Variants in HTT observed in about 807,000 individuals in gnomAD.
The protein encoded by HTT is huntingtin, also known as huntington disease protein.
In HTT, 104 loss-of-function variants were observed where a neutral mutation model predicts 362.3. The ratio of observed to expected loss-of-function variants is 0.29; its 90% confidence interval spans 0.24 to 0.34. The LOEUF (loss-of-function observed/expected upper bound fraction) is 0.34. Ranked by LOEUF, HTT falls within the 10% of genes least tolerant of loss-of-function variation. The pLI, the probability that HTT is intolerant of heterozygous loss-of-function variation, is 1.00. For missense variants in HTT, 3,301 were observed against 3,928.6 expected (o/e 0.84, Z 4.27); for synonymous variants, 1,577 against 1,548.7 (o/e 1.02, Z -0.43).
chr4:3,240,047 C>A lies in HTT; in HGVS notation c.9417C>A (p.Val3139=). The A allele has an allele frequency of 6.3e-7, 1 of 1,588,848 alleles. No homozygotes were observed. The highest frequency in any genetic ancestry group is 1.1e-5 in the South Asian group (1 of 87,136). ...LLTCLRNVHK[V]TTC is the part of the protein sequence containing the mutation. The stretch of plus-strand genomic sequence containing the variant: ...CTTGTTTACGAAATGTCCACAAGGT[C>A]ACCACCTGCTGAGCGCCATGGTGGG... Residue 3139 remains valine (V), a synonymous_variant, in exon 67 of 67, where the codon GTC becomes GTA. Transcript: ENST00000355072.
At chr4:3,107,173 C>G in intron 5 of HTT, 112 bp from the exon 6 acceptor site, 1 of 1,068,464 alleles carries the variant, frequency 9.4e-7, no homozygotes. Flanking sequence ...TTCCCCATCC[C>G]ATTAGGGACT....
intron 41 of HTT, 34 bp downstream of exon 41, chr4:3,199,973 A>G: frequency 6.4e-7 from 1 of 1,563,346 alleles, no homozygotes. Flanking sequence ...CCAGGGCGCC[A>G]GCCCAGCACC....
intron 2 of HTT, among the ~76,000 whole-genome samples, chr4:3,087,932 C>T (rs1462661831): frequency 6.6e-6 from 1 of 151,074 alleles, no homozygotes; most frequent in Non-Finnish European, 1.5e-5. Context: ...CTCACTGCAA[C>T]CTCTGCCTCC....
At position 3,164,392 on chromosome 4, in the gene HTT, T is replaced by G. The variant is rs1346420107; in HGVS notation, c.3864+4000T>G. Among the ~76,000 whole-genome samples the G allele has an allele frequency of 2.0e-5, 3 of 152,194 alleles. 1 individual carries two copies. Among genetic ancestry groups the G allele is most frequent in the Admixed American group, 2.0e-4 (3 of 15,274 alleles). ...AAGTGCAATGTGGTGCTGAGAAGAA[T>G]GTATGTTCTGTTGATTTGGGGTGCA... On this transcript the variant is annotated intron_variant, in intron 29 of 66. Coordinates refer to ENST00000355072, the MANE Select transcript of HTT (RefSeq NM_001388492.1).
In HTT at chr4:3,223,556, A is replaced by G; in HGVS notation, c.7621A>G (p.Thr2541Ala). 6.2e-7 allele frequency: 1 copy of G among 1,606,240 alleles called. No homozygotes were observed. The highest frequency in any genetic ancestry group is 8.5e-7 in the Non-Finnish European group (1 of 1,175,998). Residue 2541 changes from threonine to alanine, a missense_variant, in exon 55 of 67, where the codon ACC (threonine) becomes GCC (alanine). Around this residue, in one of 4 missense-constraint regions of HTT, gnomAD observed 753 missense variants for 1,021.3 expected, o/e 0.74. Transcript: ENST00000355072. ...PRNKPLKALD[T>A]RFGRKLSIIR... ...GAACAAGCCTCTGAAAGCTCTCGAC[A>G]CCAGGTTTGCTTGAGTTCCCACGTG...
Position 3,178,460 on chromosome 4 carries a change from C to A in HTT, c.4612+14C>A. On this transcript the variant is annotated intron_variant, in intron 35 of 66. Coordinates refer to ENST00000355072, the MANE Select transcript of HTT (RefSeq NM_001388492.1). ...CTGTGACACATGGTAACGGGACACA[C>A]CTTTCACTGTCGTCTTCGGTGTCGT... 2 of 1,611,316 alleles carry A rather than the reference C, an allele frequency of 1.2e-6. No homozygotes were observed. The highest frequency in any genetic ancestry group is 1.7e-6 in the Non-Finnish European group (2 of 1,178,656).
chr4:3,107,398 AT>A lies in HTT; in HGVS notation c.726del (p.Phe242LeufsTer11). 6.2e-7 allele frequency: 1 copy of A among 1,614,162 alleles called. No homozygotes were observed. The highest frequency in any genetic ancestry group is 8.5e-7 in the Non-Finnish European group (1 of 1,180,028). On this transcript the variant is annotated frameshift_variant, in exon 6 of 67. Transcript: ENST00000355072. LOFTEE classifies it high-confidence loss of function. ...CCCAAAATTATGGCTTCTTTTGGCA[AT>A]TTTGCAAATGACAATGAAATTAAGG... is the stretch of plus-strand genomic sequence containing the variant. Reference protein sequence around the residue: ...AVPKIMASFGNFANDNEIKVL... With the variant: ...AVPKIMASFGXFANDNEIKVL...
intron 16 of HTT, 109 bp downstream of exon 16, chr4:3,131,884 G>A (rs1715834026): frequency 9.4e-7 from 1 of 1,064,734 alleles, no homozygotes; most frequent in Non-Finnish European, 1.4e-6. Flanking sequence ...GAGTTCATTT[G>A]GGATATTTGA....
chr4:3,198,796 G>A (rs1719386929), intron 40 of HTT, among the ~76,000 whole-genome samples: 1 of 152,226 alleles, frequency 6.6e-6, no homozygotes, highest in African/African-American at 2.4e-5. Context: ...GTGTTGCTGA[G>A]GTGCCAGCAT....
Position 3,119,248 on chromosome 4 carries a change from T to C in HTT, c.1069-1980T>C, listed in dbSNP as rs552734510. Among the ~76,000 whole-genome samples, 91 of 152,284 alleles carry C rather than the reference T, an allele frequency of 6.0e-4. 2 individuals are homozygous for C. The highest frequency in any genetic ancestry group is 2.1e-3 in the African/African-American group (89 of 41,566). ...GCAGAGGGAAGGCATATGCATATAT[T>C]ATCAACAAGGAGGGAGAAAAAGGCA... On this transcript the variant is annotated intron_variant, in intron 8 of 66. Transcript: ENST00000355072.
rs756944265 is a variant in HTT, at chr4:3,127,248, G to GT, written c.1403-13dup. 3.1e-6 allele frequency: 5 copies of GT among 1,589,786 alleles called. No homozygotes were observed. The South Asian group carries it at 5.5e-5, about 18-fold the overall frequency. On this transcript the variant is annotated splice_polypyrimidine_tract_variant and intron_variant, in intron 11 of 66. Coordinates refer to ENST00000355072, the MANE Select transcript of HTT (RefSeq NM_001388492.1). ...TTCTCTCGCCATTTGACAAATGAGTGTTTCTCTGTCTTCAGCCTCAGTGAA... is the reference window on the plus strand; with the variant it reads ...TTCTCTCGCCATTTGACAAATGAGTGTTTTCTCTGTCTTCAGCCTCAGTGAA...
rs1720191964 is a variant in HTT at position 3,212,205 on chromosome 4, C to T, written c.6628+63C>T. The T allele has an allele frequency of 4.0e-6, 5 of 1,258,136 alleles. No homozygotes were observed. In the African/African-American group the frequency reaches 6.0e-5, roughly 15 times the overall value. The allele number at this position is 1,258,136 out of a possible 1,614,324, so 77.9% of individuals were successfully genotyped here. A position where few individuals can be genotyped will look rare whatever the true frequency, so the allele number is the denominator to read the frequency against. ...ATTCCAGGGCCAGTATAGTACTTTG[C>T]ACCAAGTAAATGTACAATAAAGGCA... On this transcript the variant is annotated intron_variant, in intron 48 of 66. Transcript: ENST00000355072.
At chr4:3,083,992 A>G (rs1713062574) in intron 1 of HTT, among the ~76,000 whole-genome samples, 1 of 152,166 alleles carries the variant, frequency 6.6e-6, no homozygotes, top group South Asian at 2.1e-4. Flanking sequence ...GAAAAAAGCC[A>G]ATCCCAAAAG....
intron 44 of HTT, 104 bp from the exon 45 acceptor site, chr4:3,207,177 T>TA: frequency 8.8e-7 from 1 of 1,140,912 alleles, no homozygotes; most frequent in South Asian, 1.3e-5. Flanking sequence ...AGTCTGCCCT[T>TA]ACTAGGATGA....
At chr4:3,091,435 T>C (rs1713503392) in intron 2 of HTT, among the ~76,000 whole-genome samples, 2 of 152,198 alleles carry the variant, frequency 1.3e-5, no homozygotes, top group African/African-American at 4.8e-5. Context: ...AGGTTAACAT[T>C]ATAAAGGAAA....
chr4:3,134,347 G>A (rs1014366277), intron 18 of HTT, 54 bp from the exon 19 acceptor site: 46 of 1,539,368 alleles, frequency 3.0e-5, no homozygotes, highest in African/African-American at 9.6e-5. Flanking sequence ...GTCAAGACGC[G>A]GGTACTGAGT....
chr4:3,166,731 G>C (rs1717731271), intron 29 of HTT, among the ~76,000 whole-genome samples: 1 of 152,274 alleles, frequency 6.6e-6, no homozygotes, highest in Non-Finnish European at 1.5e-5. Flanking sequence ...CCATGGGCGT[G>C]GGACCCGCTG....
chr4:3,135,212 A>G (rs546817576), intron 19 of HTT, among the ~76,000 whole-genome samples: 113 of 152,192 alleles, frequency 7.4e-4, no homozygotes, highest in African/African-American at 2.6e-3. Flanking sequence ...GAACCTAGGT[A>G]AGACAGCTGG....
At chr4:3,119,429 A>T (rs1715186837) in intron 8 of HTT, among the ~76,000 whole-genome samples, 1 of 152,248 alleles carries the variant, frequency 6.6e-6, no homozygotes, top group Non-Finnish European at 1.5e-5. Context: ...TCTCTTTCAA[A>T]TGACATGGAG....
Sources: gnomAD v4.1 joint callset for allele counts (sites outside exome capture counted in the v4.1 genomes callset) on GRCh38, gnomAD v4.1.1 for gene constraint, gnomAD v4.1.1 regional missense constraint, MANE v1.5 for transcripts, NCBI Gene and HGNC (gene_info 2026-07-23, HGNC 2026-07-21) for gene names.